The following FNDC3A variants were observed in gnomAD, a reference collection of about 807,000 sequenced individuals.
FNDC3A encodes the protein fibronectin type-III domain-containing protein 3A.
FNDC3A carries 32 observed loss-of-function variants against 148.9 expected under a neutral mutation model. The ratio of observed to expected loss-of-function variants is 0.21; its 90% CI spans 0.16 to 0.29. The LOEUF (loss-of-function observed/expected upper bound fraction) is 0.29. Ranked by LOEUF, FNDC3A falls within the 10% of genes least tolerant of loss-of-function variation. The probability of loss-of-function intolerance (pLI) is 1.00; values close to 1 mark genes in which losing one functional copy is unlikely to be tolerated. For missense variants in FNDC3A, 1,191 were observed against 1,452.8 expected (o/e 0.82, Z 2.93); for synonymous variants, 472 against 473.6 (o/e 1.00, Z 0.04).
At chr13:49,066,960 G>T (rs1285515173) in intron 2 of FNDC3A, among the ~76,000 whole-genome samples, 1 of 152,120 alleles carries the variant, frequency 6.6e-6, no homozygotes, top group African/African-American at 2.4e-5. Context: ...TCAAAAAACA[G>T]TCTATTTTTT....
At chr13:49,131,081 T>A (rs28485762) in intron 4 of FNDC3A, 56 bp from the exon 5 acceptor site, 1 of 1,416,790 alleles carries the variant, frequency 7.1e-7, no homozygotes, top group Non-Finnish European at 1.0e-6. Context: ...TTAACATTTT[T>A]AAAAGAATTG....
At chr13:49,084,123 G>A (rs995687466) in intron 3 of FNDC3A, among the ~76,000 whole-genome samples, 2 of 152,162 alleles carry the variant, frequency 1.3e-5, no homozygotes, top group Admixed American at 1.3e-4. Context: ...ATAAATACTT[G>A]AGGAGAGAGA....
At chr13:49,050,419 G>A (rs1875750230) in intron 2 of FNDC3A, among the ~76,000 whole-genome samples, 1 of 152,160 alleles carries the variant, frequency 6.6e-6, no homozygotes, top group Admixed American at 6.5e-5. Flanking sequence ...TTCAGGAGCA[G>A]GTTATTTAAT....
At chr13:49,058,910 A>G (rs1223048254) in intron 2 of FNDC3A, among the ~76,000 whole-genome samples, 1 of 152,184 alleles carries the variant, frequency 6.6e-6, no homozygotes, top group Admixed American at 6.5e-5. Context: ...CATTCTTTCA[A>G]TACTGCTGTC....
chr13:49,095,159 A>G (rs1382958719), intron 3 of FNDC3A, among the ~76,000 whole-genome samples: 1 of 152,000 alleles, frequency 6.6e-6, no homozygotes, highest in African/African-American at 2.4e-5. Context: ...TTTTAAATTA[A>G]GACCCTAAGC....
chr13:49,013,065 C>A (rs1380159997), intron 2 of FNDC3A, among the ~76,000 whole-genome samples: 1 of 152,046 alleles, frequency 6.6e-6, no homozygotes, highest in East Asian at 1.9e-4. Context: ...CCAGTAATCC[C>A]AGCATTTTGG....
At chr13:49,042,688 G>C (rs1875031637) in intron 2 of FNDC3A, among the ~76,000 whole-genome samples, 1 of 152,054 alleles carries the variant, frequency 6.6e-6, no homozygotes, top group South Asian at 2.1e-4. Flanking sequence ...GAGGTGGGAG[G>C]ATTGCTTGAG....
In FNDC3A at chr13:49,174,459, C is replaced by A; in HGVS notation, c.1255C>A (p.Gln419Lys). ...GGGAAAAGGAAATGGAGAATTTTGT[C>A]AGTGTTACATGGGCTCACAGAAACA... ...DEGKGNGEFC[Q>K]CYMGSQKQFK... The change falls in exon 12 of 26, where the codon CAG (glutamine) becomes AAG (lysine). Residue 419 changes from glutamine (Q) to lysine (K), a missense_variant. Around this residue, in one of 3 missense-constraint regions of FNDC3A, gnomAD observed 751 missense variants for 944.0 expected, o/e 0.80. Transcript: ENST00000492622. 6.2e-7 allele frequency: 1 copy of A among 1,611,102 alleles called. No individual in the cohort carries two copies. Among genetic ancestry groups the A allele is most frequent in the Non-Finnish European group, 8.5e-7 (1 of 1,177,660 alleles).
intron 1 of FNDC3A, among the ~76,000 whole-genome samples, chr13:48,995,695 A>G (rs1952010677): frequency 6.6e-6 from 1 of 152,176 alleles, no homozygotes; most frequent in South Asian, 2.1e-4. Flanking sequence ...TTTAAGAGCC[A>G]TTTTTCTGCA....
chr13:49,189,726 A>G (rs1465608703), intron 17 of FNDC3A, among the ~76,000 whole-genome samples: 5 of 152,206 alleles, frequency 3.3e-5, no homozygotes, highest in South Asian at 2.1e-4. Flanking sequence ...CAGAAAAGCA[A>G]CAACACATAG....
intron 2 of FNDC3A, among the ~76,000 whole-genome samples, chr13:49,041,813 C>CAAAAAAAAAAA (rs771071135): frequency 1.6e-5 from 1 of 64,318 alleles, no homozygotes; most frequent in East Asian, 4.7e-4. Context: ...GACTCTGTCT[C>CAAAAAAAAAAA]AAAAAAAAAA....
intron 3 of FNDC3A, among the ~76,000 whole-genome samples, chr13:49,084,551 T>C (rs1391151596): frequency 6.6e-6 from 1 of 152,160 alleles, no homozygotes; most frequent in Admixed American, 6.5e-5. Flanking sequence ...TGACCAAAAA[T>C]TCTGGGTTTA....
intron 1 of FNDC3A, among the ~76,000 whole-genome samples, chr13:48,994,771 C>T (rs1951992936): frequency 6.8e-6 from 1 of 146,370 alleles, no homozygotes; most frequent in Non-Finnish European, 1.5e-5. Flanking sequence ...AGCAAGACTC[C>T]ATCTCAAAAA....
intron 2 of FNDC3A, among the ~76,000 whole-genome samples, chr13:49,036,827 C>G (rs1874526406): frequency 6.6e-6 from 1 of 152,158 alleles, no homozygotes. Flanking sequence ...ATTCTATGTT[C>G]ACAGTCATAG....
intron 2 of FNDC3A, among the ~76,000 whole-genome samples, chr13:49,054,502 T>A (rs1005255234): frequency 2.0e-5 from 3 of 152,210 alleles, no homozygotes; most frequent in African/African-American, 7.2e-5. Context: ...ATACTGAGCA[T>A]GCATGTCCCT....
chr13:49,169,590 A>G (rs188177519), intron 10 of FNDC3A, among the ~76,000 whole-genome samples: 15 of 152,272 alleles, frequency 9.9e-5, no homozygotes, highest in South Asian at 4.2e-4. Context: ...AGCCCCCACA[A>G]AATTTCAAAA....
intron 3 of FNDC3A, among the ~76,000 whole-genome samples, chr13:49,111,963 T>C (rs1029659633): frequency 6.6e-6 from 1 of 152,224 alleles, no homozygotes; most frequent in African/African-American, 2.4e-5. Context: ...AATTATAAAC[T>C]ATTTTAGCGG....
intron 4 of FNDC3A, among the ~76,000 whole-genome samples, chr13:49,127,006 C>T (rs558130515): frequency 6.6e-6 from 1 of 152,124 alleles, no homozygotes; most frequent in Non-Finnish European, 1.5e-5. Flanking sequence ...GACTCCTAGC[C>T]CCACACTTCC....
intron 2 of FNDC3A, among the ~76,000 whole-genome samples, chr13:49,054,568 G>T (rs1876088327): frequency 6.6e-6 from 1 of 152,164 alleles, no homozygotes; most frequent in Non-Finnish European, 1.5e-5. Flanking sequence ...GCATATTTCT[G>T]CACTCTCACC....
Sources: gnomAD v4.1 joint callset for allele counts (sites outside exome capture counted in the v4.1 genomes callset) on GRCh38, gnomAD v4.1.1 for gene constraint, gnomAD v4.1.1 regional missense constraint, MANE v1.5 for transcripts, NCBI Gene and HGNC (gene_info 2026-07-23, HGNC 2026-07-21) for gene names.